Variants in DOCK5 observed in about 807,000 individuals in gnomAD.
DOCK5 encodes the protein dedicator of cytokinesis 5, also known as dedicator of cytokinesis protein 5.
DOCK5 carries 142 observed loss-of-function variants against 251.8 expected under a neutral mutation model. The observed-to-expected ratio is 0.56, with a 90% CI of 0.49 to 0.65. DOCK5 has a LOEUF of 0.65. Ranked by LOEUF, DOCK5 falls within the 30% of genes least tolerant of loss-of-function variation. The pLI is 0.00. For missense variants in DOCK5, 2,111 were observed against 2,312.3 expected, an observed-to-expected ratio of 0.91 and a Z score of 1.79; for synonymous variants, 842 against 835.5, an observed-to-expected ratio of 1.01 and a Z score of -0.13.
rs1446871448 is a variant in DOCK5 at position 25,304,220 on chromosome 8, A to AT, written c.977-33dup. The AT allele has an allele frequency of 2.6e-6, 4 of 1,539,402 alleles. No individual in the cohort carries two copies. In the African/African-American group the frequency reaches 5.5e-5, roughly 21 times the overall value. ...TAGTAACTTACTGAGGCATGAAGCA[A>AT]TTAGTTTCTTTAATGAAGTTTATCT... On this transcript the variant is annotated intron_variant, in intron 10 of 51. Transcript: ENST00000276440.
intron 22 of DOCK5, among the ~76,000 whole-genome samples, chr8:25,337,585 C>CTTT (rs71549899): frequency 7.8e-6 from 1 of 128,642 alleles, no homozygotes; most frequent in African/African-American, 2.9e-5. Flanking sequence ...ATGATAGATT[C>CTTT]TTTTTTTTTT....
chr8:25,378,048 T>G (rs1800995620), intron 38 of DOCK5, among the ~76,000 whole-genome samples: 1 of 152,138 alleles, frequency 6.6e-6, no homozygotes, highest in Non-Finnish European at 1.5e-5. Context: ...ACTGTGGGGT[T>G]TCATTATACA....
rs1563201146 is a variant in DOCK5, at chr8:25,320,993, TAGA to T, written c.1562_1564del (p.Glu521del). ...ACTATGACACAGGTATCCATTGCTA[TAGA>T]AGAAGTCACACGCTGTCATATAAGA... On this transcript the variant is annotated inframe_deletion, in exon 16 of 52. Coordinates refer to ENST00000276440, the MANE Select transcript of DOCK5 (RefSeq NM_024940.8). 1.2e-6 allele frequency: 2 copies of T among 1,613,444 alleles called. No homozygotes were observed. The highest frequency in any genetic ancestry group is 1.7e-6 in the Non-Finnish European group (2 of 1,179,638).
intron 1 of DOCK5, among the ~76,000 whole-genome samples, chr8:25,225,910 A>G (rs1450575234): frequency 2.0e-5 from 3 of 152,144 alleles, no homozygotes; most frequent in Non-Finnish European, 2.9e-5. Context: ...ATGGGGAGTT[A>G]TTGCTGAATG....
chr8:25,263,032 C>T (rs1803634995), intron 2 of DOCK5, among the ~76,000 whole-genome samples: 1 of 151,862 alleles, frequency 6.6e-6, no homozygotes, highest in Non-Finnish European at 1.5e-5. Flanking sequence ...ATTACATTTC[C>T]TTTCTTGAAT....
chr8:25,356,659 C>T (rs929795407), intron 27 of DOCK5, among the ~76,000 whole-genome samples: 8 of 151,770 alleles, frequency 5.3e-5, no homozygotes, highest in Non-Finnish European at 2.9e-5. Flanking sequence ...AGAACGAGAC[C>T]CTGTCTCAAA....
chr8:25,232,874 G>A (rs937888321), intron 1 of DOCK5, among the ~76,000 whole-genome samples: 5 of 152,142 alleles, frequency 3.3e-5, no homozygotes, highest in African/African-American at 4.8e-5. Flanking sequence ...TACTCTGGTT[G>A]TGGGATCTGT....
At chr8:25,364,950 G>T (rs528221289) in intron 30 of DOCK5, among the ~76,000 whole-genome samples, 101 of 152,180 alleles carry the variant, frequency 6.6e-4, no homozygotes, top group African/African-American at 2.4e-3. Flanking sequence ...AATAGTAGAA[G>T]ATCAAAAATA....
At chr8:25,295,813 G>T (rs548464002) in intron 6 of DOCK5, among the ~76,000 whole-genome samples, 31 of 151,956 alleles carry the variant, frequency 2.0e-4, no homozygotes, top group East Asian at 3.9e-4. Context: ...ATGTGTGTAT[G>T]TATTTATTTA....
chr8:25,280,268 T>C (rs1161896352), intron 5 of DOCK5, among the ~76,000 whole-genome samples: 1 of 152,334 alleles, frequency 6.6e-6, no homozygotes, highest in African/African-American at 2.4e-5. Context: ...CCCTCCTCTT[T>C]TCTTTATGTG....
chr8:25,243,805 G>T, intron 2 of DOCK5, 48 bp downstream of exon 2: 1 of 1,567,026 alleles, frequency 6.4e-7, no homozygotes, highest in Non-Finnish European at 8.7e-7. Flanking sequence ...GAAAAACAGT[G>T]TAAGTTACTT....
intron 15 of DOCK5, among the ~76,000 whole-genome samples, chr8:25,320,379 T>C (rs1345979747): frequency 2.4e-4 from 36 of 152,240 alleles, no homozygotes; most frequent in Admixed American, 2.4e-3. Context: ...ATGCTGTTGA[T>C]ACAAATTTAT....
chr8:25,192,088 A>G (rs1801596982), intron 1 of DOCK5, among the ~76,000 whole-genome samples: 1 of 152,116 alleles, frequency 6.6e-6, no homozygotes, highest in Admixed American at 6.6e-5. Flanking sequence ...CTGTCCCTGC[A>G]AAGGACATGA....
intron 1 of DOCK5, among the ~76,000 whole-genome samples, chr8:25,242,713 G>T (rs1802986449): frequency 6.6e-6 from 1 of 152,114 alleles, no homozygotes; most frequent in African/African-American, 2.4e-5. Context: ...TCACAACCCG[G>T]CCCAGCCATT....
At position 25,185,035 on chromosome 8, in the gene DOCK5, C is replaced by T. The variant is rs897351581; in HGVS notation, c.43+84C>T. 15 of 1,251,552 alleles carry T rather than the reference C, an allele frequency of 1.2e-5. No individual in the cohort carries two copies. The African/African-American group carries it at 1.6e-4, about 13-fold the overall frequency. The allele number at this position is 1,251,552 out of a possible 1,614,324, so 77.5% of individuals were successfully genotyped here. A position where few individuals can be genotyped will look rare whatever the true frequency, so the allele number is the denominator to read the frequency against. On this transcript the variant is annotated intron_variant, in intron 1 of 51. Coordinates refer to ENST00000276440, the MANE Select transcript of DOCK5 (RefSeq NM_024940.8). ...GGCCCTGCCAGGTTTGCGCAGAGCC[C>T]GGCGGAGGACCCTGGCCGGGGGCTC...
intron 6 of DOCK5, among the ~76,000 whole-genome samples, chr8:25,292,642 T>C (rs1804523020): frequency 6.6e-6 from 1 of 152,078 alleles, no homozygotes; most frequent in Admixed American, 6.5e-5. Flanking sequence ...TCCCACCTAC[T>C]CGGGAGGATC....
chr8:25,234,970 C>T (rs888593522), intron 1 of DOCK5, among the ~76,000 whole-genome samples: 6 of 152,106 alleles, frequency 3.9e-5, no homozygotes, highest in African/African-American at 1.4e-4. Flanking sequence ...TAGTGTCCAT[C>T]TTTGAGGATG....
chr8:25,278,218 T>C (rs571519981), intron 4 of DOCK5, among the ~76,000 whole-genome samples: 2 of 152,266 alleles, frequency 1.3e-5, no homozygotes, highest in South Asian at 4.1e-4. Flanking sequence ...ATGAAACAGC[T>C]GCTTGGTGGA....
chr8:25,254,638 G>A (rs528890575), intron 2 of DOCK5, among the ~76,000 whole-genome samples: 5 of 151,760 alleles, frequency 3.3e-5, no homozygotes, highest in African/African-American at 1.2e-4. Flanking sequence ...AGCCGGGCGT[G>A]GTGGTGGCCA....
Sources: gnomAD v4.1 joint callset for allele counts (sites outside exome capture counted in the v4.1 genomes callset) on GRCh38, gnomAD v4.1.1 for gene constraint, MANE v1.5 for transcripts, NCBI Gene and HGNC (gene_info 2026-07-23, HGNC 2026-07-21) for gene names.